Variants in SPAG11B observed in about 807,000 individuals in gnomAD.
The protein encoded by SPAG11B is sperm associated antigen 11B.
A neutral mutation model predicts 8.9 loss-of-function variants in SPAG11B; 5 were observed. The observed-to-expected ratio is 0.56, with a 90% CI of 0.29 to 1.19. The LOEUF (loss-of-function observed/expected upper bound fraction) is 1.19. SPAG11B is among the 50% of genes most tolerant of loss of function. The pLI is 0.08. For synonymous variants in SPAG11B, 12 were observed against 53.0 expected (o/e 0.23, Z 3.36); for missense variants, 38 against 146.4 (o/e 0.26, Z 3.82).
At chr8:7,455,858 GCACAAAATAC>G (rs1450718058) in intron 2 of SPAG11B, among the ~76,000 whole-genome samples, 1 of 148,000 alleles carries the variant, frequency 6.8e-6, no homozygotes, top group Non-Finnish European at 1.5e-5. Flanking sequence ...AATAAGCTAG[GCACAAAATAC>G]CACATATTGT....
intron 2 of SPAG11B, among the ~76,000 whole-genome samples, chr8:7,459,424 C>G (rs201168604): frequency 0.17 from 22,892 of 135,192 alleles, 507 homozygotes; most frequent in Admixed American, 0.18. Context: ...AATATCAACA[C>G]ACAGATCGGT....
intron 2 of SPAG11B, among the ~76,000 whole-genome samples, chr8:7,453,764 T>C (rs1280293942): frequency 1.4e-5 from 2 of 147,862 alleles, no homozygotes; most frequent in Non-Finnish European, 3.0e-5. Context: ...CATTTTGAAC[T>C]TTCCACCTCT....
chr8:7,451,788 T>C (rs1810197915), intron 2 of SPAG11B, among the ~76,000 whole-genome samples: 1 of 151,804 alleles, frequency 6.6e-6, no homozygotes. Context: ...CACTTCAGCT[T>C]GCCCATCTGT....
intron 2 of SPAG11B, among the ~76,000 whole-genome samples, chr8:7,459,549 C>G (rs1810654106): frequency 1.3e-5 from 2 of 149,098 alleles, no homozygotes; most frequent in Non-Finnish European, 3.0e-5. Flanking sequence ...CGCACAATCC[C>G]TATCCCAGAC....
chr8:7,454,006 T>A (rs1403457164), intron 2 of SPAG11B, among the ~76,000 whole-genome samples: 1 of 138,818 alleles, frequency 7.2e-6, no homozygotes, highest in Non-Finnish European at 1.5e-5. Flanking sequence ...TCCAACTCAG[T>A]ACTTTAAGAA....
At position 7,451,168 on chromosome 8, in the gene SPAG11B, G is replaced by T; in HGVS notation, c.215-268C>A. 1.9e-6 allele frequency: 3 copies of T among 1,559,698 alleles called. 1 individual carries two copies. Among genetic ancestry groups the T allele is most frequent in the Non-Finnish European group, 2.6e-6 (3 of 1,143,164 alleles). On this transcript the variant is annotated intron_variant, in intron 2 of 2. Coordinates refer to ENST00000398462, the MANE Select transcript of SPAG11B (RefSeq NM_058201.4). Reference sequence around the variant, plus strand: ...AAAAGTCCACACAGATCCTAAATGAGGGTCCTCGAGCCTCCCGGTGAGAGA... The same window carrying T: ...AAAAGTCCACACAGATCCTAAATGATGGTCCTCGAGCCTCCCGGTGAGAGA...
At chr8:7,447,904 C>T (rs1809902101), downstream of SPAG11B, 1 of 949,962 alleles carries the variant, frequency 1.1e-6, no homozygotes, top group Admixed American at 2.9e-5. Context: ...GAGGCTCCTG[C>T]TCTTCGGCTG....
chr8:7,451,871 G>T (rs1394792357), intron 2 of SPAG11B, among the ~76,000 whole-genome samples: 1 of 150,786 alleles, frequency 6.6e-6, no homozygotes, highest in Non-Finnish European at 1.5e-5. Context: ...AAGATTCATT[G>T]CACCATGGTA....
chr8:7,458,933 T>C (rs1810609700), intron 2 of SPAG11B, among the ~76,000 whole-genome samples: 1 of 92,240 alleles, frequency 1.1e-5, no homozygotes, highest in East Asian at 3.2e-4. Context: ...GCGCGGTGGC[T>C]CACGCCTGTA....
chr8:7,451,563 C>T (rs1335559116), intron 2 of SPAG11B, among the ~76,000 whole-genome samples: 1 of 120,234 alleles, frequency 8.3e-6, no homozygotes, highest in African/African-American at 3.2e-5. Context: ...AACACTCTTG[C>T]ACAACATCCA....
chr8:7,451,853 T>C (rs1294907902), intron 2 of SPAG11B, among the ~76,000 whole-genome samples: 7 of 151,504 alleles, frequency 4.6e-5, no homozygotes, highest in Admixed American at 2.6e-4. Context: ...AGACCTACTA[T>C]GACCATAAAG....
downstream of SPAG11B, among the ~76,000 whole-genome samples, chr8:7,450,253 C>T (rs555456203): frequency 7.0e-6 from 1 of 143,566 alleles, no homozygotes; most frequent in African/African-American, 2.7e-5. Flanking sequence ...GAAAACAACA[C>T]TATCCTACTG....
chr8:7,458,893 T>C (rs367925040), intron 2 of SPAG11B, among the ~76,000 whole-genome samples: 1,841 of 80,544 alleles, frequency 0.023, 38 homozygotes, highest in African/African-American at 0.095. Context: ...CACATGTACA[T>C]GGATAAGAAT....
At position 7,459,564 on chromosome 8, in the gene SPAG11B, C is replaced by T. The variant is rs1204280678; in HGVS notation, c.214+3143G>A. Among the ~76,000 whole-genome samples the T allele has an allele frequency of 5.4e-5, 8 of 149,062 alleles. No homozygotes were observed. In the East Asian group the frequency reaches 1.1e-3, roughly 20 times the overall value. Reference sequence around the variant, plus strand: ...CGCACAATCCCTATCCCAGACATAACACCTTACAATTAATTGGTAAGGAAG... The same window carrying T: ...CGCACAATCCCTATCCCAGACATAATACCTTACAATTAATTGGTAAGGAAG... On this transcript the variant is annotated intron_variant, in intron 2 of 2. Coordinates refer to ENST00000398462, the MANE Select transcript of SPAG11B (RefSeq NM_058201.4).
intron 2 of SPAG11B, among the ~76,000 whole-genome samples, chr8:7,453,280 T>G (rs142903610): frequency 0.085 from 8,732 of 102,686 alleles, 361 homozygotes; most frequent in African/African-American, 0.14. Context: ...AGTGGATAAA[T>G]CTGCACATTT....
intron 2 of SPAG11B, among the ~76,000 whole-genome samples, chr8:7,451,549 G>C (rs1173180960): frequency 1.7e-5 from 2 of 114,306 alleles, no homozygotes; most frequent in South Asian, 3.0e-4. Flanking sequence ...TGCGTGATTA[G>C]GAAAACACTC....
At chr8:7,458,672 A>T (rs1357929805) in intron 2 of SPAG11B, among the ~76,000 whole-genome samples, 16 of 126,018 alleles carry the variant, frequency 1.3e-4, no homozygotes, top group Admixed American at 1.2e-3. Flanking sequence ...ATCCAAAAAT[A>T]GTAAAAAAAA....
chr8:7,450,891 G>C lies in SPAG11B; in HGVS notation c.224C>G (p.Pro75Arg), dbSNP rs374033944. The C allele has an allele frequency of 2.6e-6, 4 of 1,554,110 alleles. No homozygotes were observed. In the African/African-American group the frequency reaches 5.8e-5, roughly 23 times the overall value. Residue 75 changes from proline (P) to arginine (R), a missense_variant, in exon 3 of 3, where the codon CCA becomes CGA. Around this residue, in one of 3 missense-constraint regions of SPAG11B, gnomAD observed 29 missense variants for 28.0 expected, o/e 1.03. Coordinates refer to ENST00000398462, the MANE Select transcript of SPAG11B (RefSeq NM_058201.4). Reference protein sequence around the residue: ...PRTPPYQGDVPPGIRNTICHM... With the variant: ...PRTPPYQGDVRPGIRNTICHM... ...GCAGATGGTATTTCTAATTCCCGGT[G>C]GAACATCCCCTATGGATACAACAGA...
chr8:7,453,703 T>C (rs550383755), intron 2 of SPAG11B, among the ~76,000 whole-genome samples: 1 of 149,566 alleles, frequency 6.7e-6, no homozygotes, highest in East Asian at 2.0e-4. Context: ...TCTTGGACTT[T>C]CTGCATGGGT....
Sources: gnomAD v4.1 joint callset for allele counts (sites outside exome capture counted in the v4.1 genomes callset) on GRCh38, gnomAD v4.1.1 for gene constraint, gnomAD v4.1.1 regional missense constraint, MANE v1.5 for transcripts, NCBI Gene and HGNC (gene_info 2026-07-23, HGNC 2026-07-21) for gene names.